The following FDX1 variants were observed in gnomAD, a reference collection of about 807,000 sequenced individuals.
FDX1 encodes ferredoxin 1.
A neutral mutation model predicts 14.9 loss-of-function variants in FDX1; 9 were observed. That is an observed-to-expected ratio of 0.60 (90% CI 0.36 to 1.05). The LOEUF (loss-of-function observed/expected upper bound fraction) is 1.05. FDX1 is among the 50% of genes least tolerant of loss of function. FDX1 has a pLI of 0.01. For synonymous variants in FDX1, 92 were observed against 99.4 expected, an observed-to-expected ratio of 0.93 and a Z score of 0.44; for missense variants, 204 against 237.2, an observed-to-expected ratio of 0.86 and a Z score of 0.92.
intron 2 of FDX1, among the ~76,000 whole-genome samples, chr11:110,456,418 C>G (rs1946521856): frequency 6.6e-6 from 1 of 151,844 alleles, no homozygotes; most frequent in African/African-American, 2.4e-5. Context: ...GGATTTCAAA[C>G]TCATGCGTGT....
At chr11:110,433,953 C>T (rs1289745191) in intron 1 of FDX1, among the ~76,000 whole-genome samples, 1 of 152,130 alleles carries the variant, frequency 6.6e-6, no homozygotes, top group African/African-American at 2.4e-5. Flanking sequence ...CTATTGCCAT[C>T]TACTGGTAGT....
At chr11:110,438,023 A>G (rs866807748) in intron 2 of FDX1, among the ~76,000 whole-genome samples, 39 of 152,326 alleles carry the variant, frequency 2.6e-4, no homozygotes, top group Admixed American at 1.5e-3. Context: ...TCTTTATCCA[A>G]TCCACCATTG....
chr11:110,455,474 C>G (rs1369819691), intron 2 of FDX1, among the ~76,000 whole-genome samples: 1 of 152,120 alleles, frequency 6.6e-6, no homozygotes, highest in Non-Finnish European at 1.5e-5. Context: ...ATAAATCAAA[C>G]TGAAGTTACT....
intron 3 of FDX1, among the ~76,000 whole-genome samples, chr11:110,461,784 T>C (rs1946558383): frequency 6.6e-6 from 1 of 152,214 alleles, no homozygotes; most frequent in Non-Finnish European, 1.5e-5. Context: ...ACATGACCAT[T>C]ACCTGACAGT....
chr11:110,455,038 ACT>A (rs1224067021), intron 2 of FDX1, among the ~76,000 whole-genome samples: 2 of 152,170 alleles, frequency 1.3e-5, no homozygotes, highest in African/African-American at 4.8e-5. Context: ...ATGGAGTCTC[ACT>A]CTGTCGCCCA....
chr11:110,441,253 G>T (rs767272648), intron 2 of FDX1, among the ~76,000 whole-genome samples: 7 of 152,208 alleles, frequency 4.6e-5, no homozygotes, highest in Non-Finnish European at 8.8e-5. Context: ...AAAGCAAATT[G>T]GTACGAGGAG....
At chr11:110,449,923 C>T (rs1201418816) in intron 2 of FDX1, among the ~76,000 whole-genome samples, 1 of 152,206 alleles carries the variant, frequency 6.6e-6, no homozygotes, top group Non-Finnish European at 1.5e-5. Context: ...CCACTGTGCT[C>T]GGCCTGTGCT....
chr11:110,440,028 G>A (rs780238416), intron 2 of FDX1, among the ~76,000 whole-genome samples: 9 of 152,064 alleles, frequency 5.9e-5, no homozygotes, highest in Non-Finnish European at 8.8e-5. Context: ...TGTTCCTTTG[G>A]TCTGTGTGTC....
chr11:110,444,300 T>C (rs1332656846), intron 2 of FDX1, among the ~76,000 whole-genome samples: 2 of 152,090 alleles, frequency 1.3e-5, no homozygotes, highest in African/African-American at 2.4e-5. Context: ...AGCACCATTA[T>C]TGAATACGGA....
chr11:110,430,297 C>A lies in FDX1; in HGVS notation c.177C>A (p.Ala59=). Residue 59 remains alanine, a synonymous_variant, in exon 1 of 4, where the codon GCC becomes GCA. Coordinates refer to ENST00000260270, the MANE Select transcript of FDX1 (RefSeq NM_004109.5). Reference sequence around the variant, plus strand: ...GGTCGCTGAGCGTGTCGGCGCGGGCCCGGAGCAGGTAGGGCGCCGTGCGGG... The same window carrying A: ...GGTCGCTGAGCGTGTCGGCGCGGGCACGGAGCAGGTAGGGCGCCGTGCGGG... ...ASRSLSVSAR[A]RSSSEDKITV... is the part of the protein sequence containing the mutation. 1 of 1,197,758 alleles carries A rather than the reference C, an allele frequency of 8.3e-7. No individual in the cohort carries two copies. Among genetic ancestry groups the A allele is most frequent in the Non-Finnish European group, 1.0e-6 (1 of 965,778 alleles). 74.2% of individuals were successfully genotyped at this position (1,197,758 alleles called of 1,614,324 possible).
intron 1 of FDX1, among the ~76,000 whole-genome samples, chr11:110,432,625 C>T (rs1190544032): frequency 6.6e-6 from 1 of 152,088 alleles, no homozygotes; most frequent in Non-Finnish European, 1.5e-5. Context: ...CGTGCCACCA[C>T]ACTCGGCTAA....
intron 2 of FDX1, among the ~76,000 whole-genome samples, chr11:110,447,293 A>C (rs548872917): frequency 7.2e-4 from 87 of 121,012 alleles, no homozygotes; most frequent in East Asian, 3.0e-3. Context: ...AAAAAAAAAA[A>C]AAAAAAAAAA....
At position 110,463,378 on chromosome 11, in the gene FDX1, G is replaced by GCTGCAGTGTGTC. The variant is rs1946568090; in HGVS notation, c.*911_*922dup. 6.6e-6 allele frequency: 1 copy of GCTGCAGTGTGTC among 152,260 alleles called. No homozygotes were observed. Among genetic ancestry groups the GCTGCAGTGTGTC allele is most frequent in the Non-Finnish European group, 1.5e-5 (1 of 68,054 alleles). 9.4% of individuals were successfully genotyped at this position (152,260 alleles called of 1,614,324 possible). A position where few individuals can be genotyped will look rare whatever the true frequency, so the allele number is the denominator to read the frequency against. On this transcript the variant is annotated 3_prime_UTR_variant, in exon 4 of 4. Transcript: ENST00000260270. ...TGGGGCTGCAGGGTGAGCAGCGTGG[G>GCTGCAGTGTGTC]CTGCAGTGTGTCAGTCCCAGGAGTG... is the stretch of plus-strand genomic sequence containing the variant.
At chr11:110,442,998 C>T (rs950118684) in intron 2 of FDX1, among the ~76,000 whole-genome samples, 3 of 152,176 alleles carry the variant, frequency 2.0e-5, no homozygotes, top group Non-Finnish European at 4.4e-5. Flanking sequence ...TGCACAAGCT[C>T]TCTGCCTGAC....
At chr11:110,435,113 A>G (rs1158870163) in intron 1 of FDX1, among the ~76,000 whole-genome samples, 1 of 151,496 alleles carries the variant, frequency 6.6e-6, no homozygotes, top group Non-Finnish European at 1.5e-5. Flanking sequence ...CAGTGGTGCA[A>G]TCATATCCCA....
At chr11:110,447,273 CAAAAAAAAAAAAAAAAAAA>C (rs541827807) in intron 2 of FDX1, among the ~76,000 whole-genome samples, 2,388 of 75,866 alleles carry the variant, frequency 0.031, 96 homozygotes, top group African/African-American at 0.1. Context: ...ACTAAAAATA[CAAAAAAAAAAAAAAAAAAA>C]AAAAAAAAAA....
chr11:110,438,809 A>T (rs1047726011), intron 2 of FDX1, among the ~76,000 whole-genome samples: 2 of 151,546 alleles, frequency 1.3e-5, no homozygotes, highest in Admixed American at 1.3e-4. Context: ...TTGCTTGTTG[A>T]TCTGTTTAAG....
At chr11:110,431,101 TAGCAGCAGCAGC>T (rs35673502) in intron 1 of FDX1, among the ~76,000 whole-genome samples, 288 of 151,218 alleles carry the variant, frequency 1.9e-3, no homozygotes, top group Middle Eastern at 0.01. Context: ...TGCCACTTGG[TAGCAGCAGCAGC>T]AGCAGCAGCA....
chr11:110,458,899 C>T (rs148452520), intron 3 of FDX1, among the ~76,000 whole-genome samples: 154 of 152,304 alleles, frequency 1.0e-3, no homozygotes, highest in African/African-American at 3.5e-3. Context: ...GCCACCGTGC[C>T]TGGCTTCAAT....
Sources: gnomAD v4.1 joint callset for allele counts (sites outside exome capture counted in the v4.1 genomes callset) on GRCh38, gnomAD v4.1.1 for gene constraint, MANE v1.5 for transcripts, NCBI Gene and HGNC (gene_info 2026-07-23, HGNC 2026-07-21) for gene names.